DEPDC1B: variants seen among roughly 807,000 people sequenced by gnomAD.
DEPDC1B encodes the protein DEP domain-containing protein 1B.
A neutral mutation model predicts 66.5 loss-of-function variants in DEPDC1B; 51 were observed. That is an observed-to-expected ratio of 0.77 (90% confidence interval 0.61 to 0.97). The LOEUF is 0.97. Ranked by LOEUF, DEPDC1B falls within the 50% of genes least tolerant of loss-of-function variation. The probability of loss-of-function intolerance (pLI) is 0.00; values close to 1 mark genes in which losing one functional copy is unlikely to be tolerated. For synonymous variants in DEPDC1B, 226 were observed against 223.6 expected, an observed-to-expected ratio of 1.01 and a Z score of -0.10; for missense variants, 552 against 637.1, an observed-to-expected ratio of 0.87 and a Z score of 1.44.
chr5:60,607,674 G>A (rs1752338363), intron 7 of DEPDC1B, among the ~76,000 whole-genome samples: 1 of 152,042 alleles, frequency 6.6e-6, no homozygotes, highest in African/African-American at 2.4e-5. Context: ...GTGAGGGGAT[G>A]TGCTCCAAAA....
intron 6 of DEPDC1B, among the ~76,000 whole-genome samples, chr5:60,641,765 G>GA (rs1184298487): frequency 6.6e-6 from 1 of 151,802 alleles, no homozygotes; most frequent in Non-Finnish European, 1.5e-5. Flanking sequence ...TGAGCAGGAA[G>GA]AAAAAAAAGC....
chr5:60,689,596 C>G (rs1754497782), intron 1 of DEPDC1B, among the ~76,000 whole-genome samples: 1 of 151,976 alleles, frequency 6.6e-6, no homozygotes, highest in Admixed American at 6.6e-5. Context: ...AAATAATAGT[C>G]TCATCTCCAT....
At chr5:60,696,125 C>A (rs1170600159) in intron 1 of DEPDC1B, among the ~76,000 whole-genome samples, 1 of 152,122 alleles carries the variant, frequency 6.6e-6, no homozygotes, top group Non-Finnish European at 1.5e-5. Flanking sequence ...AAGTTCATTT[C>A]TTTTTGTGAG....
intron 8 of DEPDC1B, 58 bp from the exon 9 acceptor site, chr5:60,603,625 C>A (rs922354199): frequency 2.8e-5 from 42 of 1,491,488 alleles, no homozygotes; most frequent in Non-Finnish European, 3.7e-5. Context: ...GAACTGAGTG[C>A]AATCTAATTT....
intron 1 of DEPDC1B, among the ~76,000 whole-genome samples, chr5:60,689,857 C>CA (rs1005544701): frequency 3.3e-5 from 5 of 152,160 alleles, no homozygotes; most frequent in African/African-American, 1.2e-4. Flanking sequence ...GCCTGGGCAT[C>CA]ATGGGGAAAC....
chr5:60,679,831 A>G (rs1754256445), intron 2 of DEPDC1B, among the ~76,000 whole-genome samples: 1 of 152,206 alleles, frequency 6.6e-6, no homozygotes, highest in Non-Finnish European at 1.5e-5. Flanking sequence ...CATAATATAC[A>G]TTTTTATTTG....
intron 7 of DEPDC1B, among the ~76,000 whole-genome samples, chr5:60,628,952 A>G (rs1752862026): frequency 6.6e-6 from 1 of 152,188 alleles, no homozygotes; most frequent in Non-Finnish European, 1.5e-5. Context: ...CAAAAGTTCT[A>G]TGGATTATCC....
At chr5:60,690,316 C>A (rs920931715) in intron 1 of DEPDC1B, among the ~76,000 whole-genome samples, 5 of 152,064 alleles carry the variant, frequency 3.3e-5, no homozygotes, top group Non-Finnish European at 7.4e-5. Flanking sequence ...TAGTTCCAGA[C>A]AGAAATAGAT....
intron 2 of DEPDC1B, among the ~76,000 whole-genome samples, chr5:60,649,828 G>C (rs113427624): frequency 6.6e-6 from 1 of 151,946 alleles, no homozygotes; most frequent in Non-Finnish European, 1.5e-5. Context: ...TAAATTGATA[G>C]CTATATTATG....
rs565573192 is a variant in DEPDC1B at position 60,616,654 on chromosome 5, T to C, written c.899-10798A>G. On this transcript the variant is annotated intron_variant, in intron 7 of 10. Coordinates refer to ENST00000265036, the MANE Select transcript of DEPDC1B (RefSeq NM_018369.3). ...GGACTATGTGAAAAGACCAAATCTA[T>C]ATCTGATTGGTGTACCTGAAAGTGA... Among the ~76,000 whole-genome samples the C allele has an allele frequency of 3.6e-3, 554 of 152,288 alleles. 4 individuals carry two copies. The highest frequency in any genetic ancestry group is 6.4e-3 in the Non-Finnish European group (435 of 68,006).
intron 7 of DEPDC1B, among the ~76,000 whole-genome samples, chr5:60,608,242 C>A (rs1305159579): frequency 6.6e-6 from 1 of 152,152 alleles, no homozygotes; most frequent in African/African-American, 2.4e-5. Flanking sequence ...CCACAAATCC[C>A]TTCTTTTTCC....
At chr5:60,660,989 G>A (rs1753701633) in intron 2 of DEPDC1B, among the ~76,000 whole-genome samples, 3 of 152,200 alleles carry the variant, frequency 2.0e-5, no homozygotes, top group Non-Finnish European at 2.9e-5. Context: ...CTGCTGAAAC[G>A]TGCAAGCTGT....
At chr5:60,612,611 C>A (rs1326765001) in intron 7 of DEPDC1B, among the ~76,000 whole-genome samples, 16 of 147,888 alleles carry the variant, frequency 1.1e-4, no homozygotes, top group African/African-American at 4.0e-4. Context: ...GTCTGAGGGT[C>A]CTGCAGGGAA....
chr5:60,687,473 AAC>A (rs1404690609), intron 1 of DEPDC1B, among the ~76,000 whole-genome samples: 5 of 152,052 alleles, frequency 3.3e-5, no homozygotes, highest in Non-Finnish European at 7.4e-5. Context: ...ATATATAAAA[AAC>A]AGTTAAAATA....
intron 2 of DEPDC1B, among the ~76,000 whole-genome samples, chr5:60,670,784 C>A (rs987356235): frequency 6.6e-6 from 1 of 152,160 alleles, no homozygotes; most frequent in Non-Finnish European, 1.5e-5. Flanking sequence ...CTGGGCTCTG[C>A]AATTAGCAGT....
intron 7 of DEPDC1B, among the ~76,000 whole-genome samples, chr5:60,631,606 C>G (rs1752926182): frequency 6.6e-6 from 1 of 152,206 alleles, no homozygotes; most frequent in South Asian, 2.1e-4. Context: ...GAGGAGGACT[C>G]TCCAGGTTAT....
At chr5:60,633,887 G>A (rs1314526477) in intron 7 of DEPDC1B, among the ~76,000 whole-genome samples, 1 of 152,074 alleles carries the variant, frequency 6.6e-6, no homozygotes, top group East Asian at 1.9e-4. Context: ...TTGAAACTAT[G>A]CCTCAGAAAT....
rs1753239395 is a variant in DEPDC1B, at chr5:60,643,545, C to T, written c.710-686G>A. Among the ~76,000 whole-genome samples, 17 of 152,224 alleles carry T rather than the reference C, an allele frequency of 1.1e-4. 1 individual carries two copies. The highest frequency in any genetic ancestry group is 1.1e-3 in the Admixed American group (17 of 15,286). ...CTCTATTTCTGTAAAACTGCGAAGA[C>T]ACTTGTTGAATTGTGTTAGATCTAA... On this transcript the variant is annotated intron_variant, in intron 5 of 10. Transcript: ENST00000265036.
chr5:60,647,632 T>G (rs1391079412), intron 2 of DEPDC1B, 99 bp from the exon 3 acceptor site: 3 of 1,308,752 alleles, frequency 2.3e-6, no homozygotes, highest in South Asian at 1.4e-5. Context: ...ATTTATACAA[T>G]AATTTGTACA....
Sources: allele counts gnomAD v4.1 joint callset (sites outside exome capture counted in the v4.1 genomes callset), GRCh38; gene constraint gnomAD v4.1.1; transcripts MANE v1.5; gene names NCBI Gene and HGNC (gene_info 2026-07-23, HGNC 2026-07-21).